The following PRSS12 variants were observed in gnomAD, a reference collection of about 807,000 sequenced individuals.
PRSS12 encodes serine protease 12, also known as neurotrypsin.
PRSS12 carries 85 observed loss-of-function variants against 104.4 expected under a neutral mutation model. The ratio of observed to expected loss-of-function variants is 0.81; its 90% CI spans 0.68 to 0.98. The LOEUF (loss-of-function observed/expected upper bound fraction) is 0.98. PRSS12 is among the 50% of genes least tolerant of loss of function. The probability of loss-of-function intolerance (pLI) is 0.00; values close to 1 mark genes in which losing one functional copy is unlikely to be tolerated. For synonymous variants in PRSS12, 454 were observed against 425.2 expected (o/e 1.07, Z -0.83); for missense variants, 1,141 against 1,139.2 (o/e 1.00, Z -0.02).
chr4:118,317,311 A>G (rs1028437202), intron 5 of PRSS12, among the ~76,000 whole-genome samples: 1 of 152,166 alleles, frequency 6.6e-6, no homozygotes, highest in African/African-American at 2.4e-5. Flanking sequence ...TTTAATTCCA[A>G]AAAAAGTAGA....
intron 5 of PRSS12, 149 bp downstream of exon 5, chr4:118,318,229 T>A: frequency 2.6e-6 from 2 of 779,248 alleles, no homozygotes; most frequent in African/African-American, 1.7e-5. Context: ...TACTTTAATA[T>A]ACGGTTTGCA....
At chr4:118,348,795 G>A (rs1724418415) in intron 1 of PRSS12, among the ~76,000 whole-genome samples, 1 of 151,982 alleles carries the variant, frequency 6.6e-6, no homozygotes, top group South Asian at 2.1e-4. Flanking sequence ...GGGATTACAT[G>A]CATGTGCCAC....
In PRSS12 at chr4:118,298,865, A is replaced by T; in HGVS notation, c.1705T>A (p.Cys569Ser). 6.2e-7 allele frequency: 1 copy of T among 1,614,144 alleles called. No homozygotes were observed. Among genetic ancestry groups the T allele is most frequent in the Non-Finnish European group, 8.5e-7 (1 of 1,180,030 alleles). ...GCCAAGGACCTCTCATTTCCTGTGCACTTCACATTATCCACATGGATGGGT... is the reference window on the plus strand; with the variant it reads ...GCCAAGGACCTCTCATTTCCTGTGCTCTTCACATTATCCACATGGATGGGT... ...KGPIHVDNVK[C>S]TGNERSLADC... The change falls in exon 9 of 13, where the codon TGC becomes AGC. Residue 569 changes from cysteine (C) to serine (S), a missense_variant. By Grantham distance (112) the Cys-to-Ser change is moderately radical. Transcript: ENST00000296498.
chr4:118,343,595 A>G (rs1371893472), intron 1 of PRSS12, among the ~76,000 whole-genome samples: 2 of 152,138 alleles, frequency 1.3e-5, no homozygotes, highest in Non-Finnish European at 2.9e-5. Context: ...CACCTCTACA[A>G]AAAATTTTAA....
chr4:118,325,599 C>T (rs17594740), intron 4 of PRSS12, among the ~76,000 whole-genome samples: 7,508 of 152,110 alleles, frequency 0.049, 327 homozygotes, highest in Middle Eastern at 0.082. Flanking sequence ...GTACTCAGAA[C>T]TATGCTGGCT....
At chr4:118,313,026 G>A (rs529826534) in intron 7 of PRSS12, 175 bp downstream of exon 7, 15 of 710,910 alleles carry the variant, frequency 2.1e-5, no homozygotes, top group African/African-American at 9.0e-5. Flanking sequence ...TAATGTTGGC[G>A]CACAGACTCA....
intron 11 of PRSS12, among the ~76,000 whole-genome samples, chr4:118,291,012 CAA>C (rs1169067974): frequency 6.6e-6 from 1 of 151,838 alleles, no homozygotes; most frequent in Non-Finnish European, 1.5e-5. Flanking sequence ...CAAACATATA[CAA>C]AGATTTTTTT....
intron 11 of PRSS12, among the ~76,000 whole-genome samples, chr4:118,283,578 C>A (rs1193541249): frequency 6.6e-6 from 1 of 152,168 alleles, no homozygotes; most frequent in Admixed American, 6.5e-5. Flanking sequence ...TCCCTTTCCT[C>A]TAAAGTGAAT....
At chr4:118,314,771 CAAAAT>C (rs1389627292) in intron 6 of PRSS12, among the ~76,000 whole-genome samples, 2 of 150,550 alleles carry the variant, frequency 1.3e-5, no homozygotes, top group African/African-American at 4.9e-5. Flanking sequence ...ATTTGTGAAA[CAAAAT>C]AAAATATGAA....
chr4:118,298,974 A>G (rs1035613261), intron 8 of PRSS12, 36 bp from the exon 9 acceptor site: 1 of 1,595,920 alleles, frequency 6.3e-7, no homozygotes, highest in Admixed American at 1.7e-5. Context: ...GTGAAGAATC[A>G]GTCAGTCATA....
In PRSS12 at chr4:118,335,527, C is replaced by G. The variant is rs752226830; in HGVS notation, c.766G>C (p.Gly256Arg). ...ILLCEKDIWQ[G>R]GVCPQKMAAA... ...GCCATCTTCTGAGGACACACCCCAC[C>G]CTGCCAGATGTCTTTTTCACAAAGC... The change falls in exon 3 of 13, where the codon GGT (glycine) becomes CGT (arginine). Residue 256 changes from glycine to arginine, a missense_variant. Physicochemically the swap from Gly to Arg is moderately radical, Grantham distance 125. Transcript: ENST00000296498. 1 of 1,613,948 alleles carries G rather than the reference C, an allele frequency of 6.2e-7. No homozygotes were observed. Among genetic ancestry groups the G allele is most frequent in the Admixed American group, 1.7e-5 (1 of 59,970 alleles).
At chr4:118,306,517 C>T (rs34284204) in intron 8 of PRSS12, among the ~76,000 whole-genome samples, 9,069 of 152,160 alleles carry the variant, frequency 0.06, 374 homozygotes, top group Non-Finnish European at 0.09. Context: ...CACACAGCAA[C>T]AGTAGCAGCA....
intron 4 of PRSS12, among the ~76,000 whole-genome samples, chr4:118,321,050 A>C (rs1393762011): frequency 6.6e-6 from 1 of 152,208 alleles, no homozygotes; most frequent in African/African-American, 2.4e-5. Flanking sequence ...CAAAAATTAA[A>C]GACTAATATC....
At chr4:118,306,308 G>T (rs530970972) in intron 8 of PRSS12, among the ~76,000 whole-genome samples, 6 of 152,126 alleles carry the variant, frequency 3.9e-5, no homozygotes, top group Admixed American at 2.6e-4. Context: ...ATGTTAAATG[G>T]ACTAAATGAT....
intron 4 of PRSS12, 114 bp from the exon 5 acceptor site, chr4:118,318,670 T>C (rs1486641359): frequency 2.9e-6 from 3 of 1,030,280 alleles, no homozygotes; most frequent in East Asian, 5.2e-5. Flanking sequence ...TTAATTCACT[T>C]CACAGGTCAT....
In PRSS12 at chr4:118,313,258, G is replaced by C; in HGVS notation, c.1432C>G (p.Arg478Gly). ...TAGCAGGCAATGCTAACATCTTCGC[G>C]GTGGCTGCAGTCATGCCTTCCCCAC... ...RQWGRHDCSH[R>G]EDVSIACYPG... is the part of the protein sequence containing the mutation. The change falls in exon 7 of 13, where the codon CGC becomes GGC. Residue 478 changes from arginine to glycine, a missense_variant. Coordinates refer to ENST00000296498, the MANE Select transcript of PRSS12 (RefSeq NM_003619.4). The C allele has an allele frequency of 2.5e-6, 4 of 1,614,082 alleles. No individual in the cohort carries two copies. Among genetic ancestry groups the C allele is most frequent in the Non-Finnish European group, 3.4e-6 (4 of 1,180,000 alleles).
intron 11 of PRSS12, among the ~76,000 whole-genome samples, chr4:118,292,831 A>G (rs1743160179): frequency 6.6e-6 from 1 of 152,094 alleles, no homozygotes; most frequent in Admixed American, 6.5e-5. Flanking sequence ...CCTGGCCAAC[A>G]TGGTAAAACC....
In PRSS12 at chr4:118,352,904, G is replaced by T. The variant is rs999026139; in HGVS notation, c.-184C>A. ...CGCCGCTGGTGCCCTGCCGCGCCTCGGCTCCTGTCCCCTGGCGGCGGCCGC... is the reference window on the plus strand; with the variant it reads ...CGCCGCTGGTGCCCTGCCGCGCCTCTGCTCCTGTCCCCTGGCGGCGGCCGC... On this transcript the variant is annotated 5_prime_UTR_variant, in exon 1 of 13. Transcript: ENST00000296498. 3.6e-6 allele frequency: 5 copies of T among 1,395,656 alleles called. No homozygotes were observed. The highest frequency in any genetic ancestry group is 2.6e-4 in the Middle Eastern group (1 of 3,806). 86.5% of individuals were successfully genotyped at this position (1,395,656 alleles called of 1,614,324 possible).
intron 4 of PRSS12, among the ~76,000 whole-genome samples, chr4:118,322,499 T>C (rs1215219874): frequency 6.6e-6 from 1 of 151,372 alleles, no homozygotes; most frequent in East Asian, 1.9e-4. Flanking sequence ...TGAGCTGAGA[T>C]TGCGCCACTG....
Sources: gnomAD v4.1 joint callset for allele counts (sites outside exome capture counted in the v4.1 genomes callset) on GRCh38, gnomAD v4.1.1 for gene constraint, MANE v1.5 for transcripts, NCBI Gene and HGNC (gene_info 2026-07-23, HGNC 2026-07-21) for gene names.